Variants in LRP1B observed in about 807,000 individuals in gnomAD.
LRP1B encodes low-density lipoprotein receptor-related protein 1B.
In LRP1B, 217 loss-of-function variants were observed where a neutral mutation model predicts 556.6. The observed-to-expected ratio is 0.39, with a 90% CI of 0.35 to 0.44. LRP1B has a LOEUF of 0.44. Ranked by LOEUF, LRP1B falls within the 20% of genes least tolerant of loss-of-function variation. The pLI is 1.00. For missense variants in LRP1B, 5,053 were observed against 5,620.8 expected, an observed-to-expected ratio of 0.90 and a Z score of 3.23; for synonymous variants, 2,047 against 1,865.8, an observed-to-expected ratio of 1.10 and a Z score of -2.50.
intron 58 of LRP1B, 149 bp from the exon 59 acceptor site, chr2:140,485,673 ATTAC>A (rs1310389726): frequency 3.6e-6 from 2 of 555,378 alleles, no homozygotes; most frequent in East Asian, 3.1e-5. Flanking sequence ...CCGCAATACA[ATTAC>A]TTACTTGTTT....
At chr2:141,415,064 A>C (rs775229056) in intron 3 of LRP1B, among the ~76,000 whole-genome samples, 1 of 152,098 alleles carries the variant, frequency 6.6e-6, no homozygotes, top group Non-Finnish European at 1.5e-5. Flanking sequence ...ACCCAGGCTG[A>C]AGTGCAGTGG....
chr2:140,978,541 T>G (rs1696672186), intron 18 of LRP1B, among the ~76,000 whole-genome samples: 1 of 152,152 alleles, frequency 6.6e-6, no homozygotes, highest in Admixed American at 6.6e-5. Flanking sequence ...AGAAATGAGT[T>G]GAATCTATAT....
intron 86 of LRP1B, among the ~76,000 whole-genome samples, chr2:140,266,877 A>ATCT (rs1479454151): frequency 5.9e-5 from 9 of 152,008 alleles, no homozygotes; most frequent in African/African-American, 2.2e-4. Context: ...AAAGCCATTC[A>ATCT]TCTTCCTAAA....
intron 35 of LRP1B, among the ~76,000 whole-genome samples, chr2:140,743,965 CA>C (rs780716758): frequency 1.6e-3 from 4 of 2,580 alleles, no homozygotes; most frequent in African/African-American, 2.2e-3. Flanking sequence ...GACTTGGTCT[CA>C]AAAAAAAAAA....
At chr2:141,909,696 A>G (rs1699859401) in intron 1 of LRP1B, among the ~76,000 whole-genome samples, 1 of 151,944 alleles carries the variant, frequency 6.6e-6, no homozygotes, top group Non-Finnish European at 1.5e-5. Flanking sequence ...GAAAAACATA[A>G]TAACTACTGA....
chr2:141,078,791 A>C (rs1342881293), intron 7 of LRP1B, among the ~76,000 whole-genome samples: 2 of 152,220 alleles, frequency 1.3e-5, no homozygotes, highest in Non-Finnish European at 2.9e-5. Flanking sequence ...CAAAGACTGC[A>C]AACAATGCTG....
At chr2:140,234,411 C>A (rs552071916) in intron 90 of LRP1B, among the ~76,000 whole-genome samples, 1 of 150,948 alleles carries the variant, frequency 6.6e-6, no homozygotes, top group Non-Finnish European at 1.5e-5. Flanking sequence ...TTTAACTGCA[C>A]GTCAAATTTG....
At chr2:141,459,590 CGGT>C (rs1171872896) in intron 3 of LRP1B, among the ~76,000 whole-genome samples, 1 of 151,948 alleles carries the variant, frequency 6.6e-6, no homozygotes, top group African/African-American at 2.4e-5. Context: ...GGGAGGAACT[CGGT>C]GGGAAATAAC....
At chr2:140,558,763 A>T (rs1429776417) in intron 43 of LRP1B, among the ~76,000 whole-genome samples, 1 of 151,862 alleles carries the variant, frequency 6.6e-6, no homozygotes, top group Non-Finnish European at 1.5e-5. Flanking sequence ...ACATGGCAAC[A>T]ACCTCTACAA....
chr2:141,009,464 A>G (rs1321677836), intron 14 of LRP1B, among the ~76,000 whole-genome samples: 1 of 151,916 alleles, frequency 6.6e-6, no homozygotes, highest in African/African-American at 2.4e-5. Flanking sequence ...CTTTGAAGCC[A>G]CTTATGTAAG....
intron 2 of LRP1B, among the ~76,000 whole-genome samples, chr2:141,665,512 G>C (rs775819354): frequency 9.9e-5 from 15 of 152,172 alleles, no homozygotes; most frequent in Admixed American, 6.5e-5. Context: ...GTGGAAGACA[G>C]TGTGGCGGTT....
chr2:141,487,117 C>T (rs556510904), intron 2 of LRP1B, among the ~76,000 whole-genome samples: 15 of 152,096 alleles, frequency 9.9e-5, no homozygotes, highest in Non-Finnish European at 2.1e-4. Context: ...TCATAAAATC[C>T]CCTCCACCTT....
chr2:141,640,809 G>A (rs1689300752), intron 2 of LRP1B, among the ~76,000 whole-genome samples: 3 of 150,372 alleles, frequency 2.0e-5, no homozygotes, highest in African/African-American at 2.5e-5. Context: ...ATAAAAATAA[G>A]AAAAAAAAAA....
chr2:141,115,222 T>C (rs1287011940), intron 7 of LRP1B, among the ~76,000 whole-genome samples: 1 of 151,954 alleles, frequency 6.6e-6, no homozygotes, highest in Admixed American at 6.6e-5. Flanking sequence ...AACATGGCCT[T>C]GTGATTTGAC....
chr2:141,305,215 A>G (rs1686541460), intron 3 of LRP1B, among the ~76,000 whole-genome samples: 1 of 152,180 alleles, frequency 6.6e-6, no homozygotes, highest in Non-Finnish European at 1.5e-5. Context: ...CCAATCCATG[A>G]AAGTGGGATA....
intron 2 of LRP1B, among the ~76,000 whole-genome samples, chr2:141,748,645 C>T (rs1348729748): frequency 2.0e-5 from 3 of 152,156 alleles, no homozygotes; most frequent in Non-Finnish European, 4.4e-5. Context: ...TTTTCTGTAG[C>T]ATCCCTGGAA....
intron 7 of LRP1B, among the ~76,000 whole-genome samples, chr2:141,171,108 G>A (rs1481085894): frequency 1.3e-5 from 2 of 151,972 alleles, no homozygotes; most frequent in African/African-American, 4.8e-5. Flanking sequence ...TTCCTCACTG[G>A]CAGTTTCTCC....
chr2:140,923,541 C>T (rs1472711435), intron 20 of LRP1B, among the ~76,000 whole-genome samples: 1 of 151,948 alleles, frequency 6.6e-6, no homozygotes, highest in Admixed American at 6.6e-5. Flanking sequence ...AATGATAAGA[C>T]CTTGACTTAT....
At chr2:140,568,830 C>A (rs1681219277) in intron 43 of LRP1B, among the ~76,000 whole-genome samples, 1 of 151,894 alleles carries the variant, frequency 6.6e-6, no homozygotes, top group Non-Finnish European at 1.5e-5. Context: ...AAGGTTTTTA[C>A]ATTATTTCAA....
Sources: allele counts gnomAD v4.1 joint callset (sites outside exome capture counted in the v4.1 genomes callset), GRCh38; gene constraint gnomAD v4.1.1; transcripts MANE v1.5; gene names NCBI Gene and HGNC (gene_info 2026-07-23, HGNC 2026-07-21).